The following GRM7 variants were observed in gnomAD, a reference collection of about 807,000 sequenced individuals.
The protein encoded by GRM7 is glutamate metabotropic receptor 7, also known as metabotropic glutamate receptor 7.
In GRM7, 35 loss-of-function variants were observed where a neutral mutation model predicts 84.5. The ratio of observed to expected loss-of-function variants is 0.41; its 90% CI spans 0.32 to 0.55. The LOEUF (loss-of-function observed/expected upper bound fraction) is 0.55. Ranked by LOEUF, GRM7 falls within the 20% of genes least tolerant of loss-of-function variation. The probability of loss-of-function intolerance (pLI) is 0.19; values close to 1 mark genes in which losing one functional copy is unlikely to be tolerated. For missense variants in GRM7, 1,003 were observed against 1,194.6 expected, an observed-to-expected ratio of 0.84 and a Z score of 2.36; for synonymous variants, 487 against 455.1, an observed-to-expected ratio of 1.07 and a Z score of -0.89.
intron 8 of GRM7, among the ~76,000 whole-genome samples, chr3:7,620,045 G>A (rs1378338454): frequency 6.6e-6 from 1 of 152,086 alleles, no homozygotes; most frequent in African/African-American, 2.4e-5. Flanking sequence ...AACTGTCCAT[G>A]TGCTTACTTG....
chr3:7,514,780 G>A (rs1275423720), intron 7 of GRM7, among the ~76,000 whole-genome samples: 5 of 152,194 alleles, frequency 3.3e-5, no homozygotes, highest in Non-Finnish European at 5.9e-5. Flanking sequence ...TGATCTAAGT[G>A]TCACAGTGAC....
chr3:7,091,667 C>G (rs9311978), intron 1 of GRM7, among the ~76,000 whole-genome samples: 9,590 of 127,976 alleles, frequency 0.075, 823 homozygotes, highest in African/African-American at 0.2. Flanking sequence ...TATGCTCTAC[C>G]TTTTCAACAA....
At chr3:7,116,992 T>C (rs1378958488) in intron 1 of GRM7, among the ~76,000 whole-genome samples, 4 of 152,180 alleles carry the variant, frequency 2.6e-5, no homozygotes, top group African/African-American at 9.6e-5. Flanking sequence ...CTCAGGCAAT[T>C]TGATTTTGTG....
intron 2 of GRM7, among the ~76,000 whole-genome samples, chr3:7,252,666 T>TTTTTCTTTTCTTTTC (rs796901496): frequency 1.8e-3 from 260 of 142,980 alleles, no homozygotes; most frequent in African/African-American, 6.4e-3. Context: ...CTTTTCTATT[T>TTTTTCTTTTCTTTTC]TTTTCTTTTC....
intron 7 of GRM7, chr3:7,520,166 G>A (rs896663308): frequency 2.0e-5 from 3 of 152,172 alleles, no homozygotes; most frequent in African/African-American, 7.2e-5. Flanking sequence ...GATCTCACTT[G>A]TGGATAAAGA....
intron 7 of GRM7, among the ~76,000 whole-genome samples, chr3:7,551,012 A>G (rs954454763): frequency 1.3e-5 from 2 of 152,126 alleles, no homozygotes; most frequent in African/African-American, 4.8e-5. Flanking sequence ...TAACTAGGTA[A>G]ATTACTTAGT....
intron 2 of GRM7, among the ~76,000 whole-genome samples, chr3:7,214,160 A>C (rs898744377): frequency 6.6e-6 from 1 of 152,004 alleles, no homozygotes; most frequent in African/African-American, 2.4e-5. Context: ...TGGGGATAAG[A>C]ACTCATAAAT....
intron 9 of GRM7, among the ~76,000 whole-genome samples, chr3:7,704,768 T>A (rs1701333773): frequency 1.3e-5 from 2 of 152,138 alleles, no homozygotes; most frequent in Admixed American, 1.3e-4. Context: ...CTTTCCCTGA[T>A]GTCCCCAAAT....
At chr3:7,484,032 T>A (rs1699231426) in intron 7 of GRM7, among the ~76,000 whole-genome samples, 1 of 152,204 alleles carries the variant, frequency 6.6e-6, no homozygotes, top group South Asian at 2.1e-4. Context: ...CTTCACACTT[T>A]TTGATGCAAA....
intron 4 of GRM7, among the ~76,000 whole-genome samples, chr3:7,379,576 C>A (rs1321903335): frequency 6.6e-6 from 1 of 152,100 alleles, no homozygotes; most frequent in East Asian, 1.9e-4. Flanking sequence ...ATTATGAAAT[C>A]ATGAGAATGT....
intron 7 of GRM7, among the ~76,000 whole-genome samples, chr3:7,467,481 A>T (rs959122250): frequency 1.3e-5 from 2 of 152,142 alleles, no homozygotes; most frequent in Non-Finnish European, 2.9e-5. Flanking sequence ...CTGTAGCCAT[A>T]GTGATAGGGA....
At position 7,075,087 on chromosome 3, in the gene GRM7, TG is replaced by T. The variant is rs1698017058; in HGVS notation, c.520-71364del. Among the ~76,000 whole-genome samples, 8 of 152,282 alleles carry T rather than the reference TG, an allele frequency of 5.3e-5. No individual in the cohort carries two copies. In the South Asian group the frequency reaches 1.7e-3, roughly 32 times the overall value. On this transcript the variant is annotated intron_variant, in intron 1 of 9. Transcript: ENST00000357716. ...TTCTAGAATAAAGAGGCAAGTTAGA[TG>T]AAAAAAGGTGCAGGTCAGGGGATTT...
rs547045880 is a variant in GRM7 at position 7,635,105 on chromosome 3, T to C, written c.2452-44944T>C. On this transcript the variant is annotated intron_variant, in intron 8 of 9. Transcript: ENST00000357716. ...GCACTTGAAGTGAGATTGGTGGGGC[T>C]GAAGAATGAGGTACTTAATTTTAAT... Among the ~76,000 whole-genome samples, 5 of 152,302 alleles carry C rather than the reference T, an allele frequency of 3.3e-5. No individual in the cohort carries two copies. In the South Asian group the frequency reaches 8.3e-4, roughly 25 times the overall value.
chr3:7,119,218 T>C (rs1278171820), intron 1 of GRM7, among the ~76,000 whole-genome samples: 1 of 152,144 alleles, frequency 6.6e-6, no homozygotes, highest in Non-Finnish European at 1.5e-5. Flanking sequence ...TTCCTCAGTA[T>C]TGTTTTCCCA....
chr3:7,286,373 T>G (rs903732436), intron 2 of GRM7, among the ~76,000 whole-genome samples: 3 of 152,192 alleles, frequency 2.0e-5, no homozygotes, highest in Admixed American at 6.6e-5. Context: ...TTATATGATA[T>G]CCACAAATAT....
chr3:7,656,609 G>T (rs1443267450), intron 8 of GRM7, among the ~76,000 whole-genome samples: 2 of 150,284 alleles, frequency 1.3e-5, no homozygotes, highest in East Asian at 3.9e-4. Flanking sequence ...GGAAAAGCAG[G>T]TCGTGTTTTA....
intron 4 of GRM7, among the ~76,000 whole-genome samples, chr3:7,375,698 A>T (rs543475313): frequency 2.0e-5 from 3 of 151,976 alleles, no homozygotes; most frequent in Non-Finnish European, 4.4e-5. Context: ...GGATTGATTA[A>T]TTCTTCATAT....
chr3:6,998,663 G>T (rs1162731544), intron 1 of GRM7, among the ~76,000 whole-genome samples: 1 of 152,194 alleles, frequency 6.6e-6, no homozygotes, highest in African/African-American at 2.4e-5. Context: ...TGAAATCTAG[G>T]TGGAGGTTTC....
At chr3:7,629,761 T>A (rs1321342508) in intron 8 of GRM7, among the ~76,000 whole-genome samples, 2 of 152,212 alleles carry the variant, frequency 1.3e-5, no homozygotes, top group African/African-American at 4.8e-5. Flanking sequence ...TCTGAAAATG[T>A]AACCAAGTTT....
Sources: gnomAD v4.1 joint callset for allele counts (sites outside exome capture counted in the v4.1 genomes callset) on GRCh38, gnomAD v4.1.1 for gene constraint, MANE v1.5 for transcripts, NCBI Gene and HGNC (gene_info 2026-07-23, HGNC 2026-07-21) for gene names.